Variants in MTMR3 observed in about 807,000 individuals in gnomAD.
The protein encoded by MTMR3 is myotubularin related protein 3.
Under a neutral mutation model 132.4 loss-of-function variants are expected in MTMR3, and 32 were observed. The ratio of observed to expected loss-of-function variants is 0.24; its 90% CI spans 0.18 to 0.32. MTMR3 has a LOEUF of 0.32. Ranked by LOEUF, MTMR3 falls within the 10% of genes least tolerant of loss-of-function variation. The probability of loss-of-function intolerance (pLI) is 1.00; values close to 1 mark genes in which losing one functional copy is unlikely to be tolerated. For missense variants in MTMR3, 1,216 were observed against 1,489.6 expected (o/e 0.82, Z 3.02); for synonymous variants, 556 against 550.3 (o/e 1.01, Z -0.14).
At chr22:29,930,704 A>G (rs1245096448) in intron 1 of MTMR3, among the ~76,000 whole-genome samples, 1 of 151,630 alleles carries the variant, frequency 6.6e-6, no homozygotes, top group Non-Finnish European at 1.5e-5. Flanking sequence ...AAGAGAAAAA[A>G]GAATATGAAT....
intron 5 of MTMR3, chr22:29,985,064 G>C (rs1334376962): frequency 1.3e-5 from 2 of 152,226 alleles, no homozygotes; most frequent in African/African-American, 4.8e-5. Flanking sequence ...GGTATCTCTA[G>C]TTATAGAAAT....
chr22:29,985,814 A>G (rs759980668), intron 5 of MTMR3: 4 of 152,222 alleles, frequency 2.6e-5, no homozygotes, highest in Non-Finnish European at 4.4e-5. Context: ...AGATGTTAAA[A>G]TATAGAAAAA....
At position 30,018,473 on chromosome 22, in the gene MTMR3, G is replaced by A. The variant is rs564106103; in HGVS notation, c.1820+401G>A. 3 of 163,882 alleles carry A rather than the reference G, an allele frequency of 1.8e-5. No homozygotes were observed. The South Asian group carries it at 5.2e-4, about 28-fold the overall frequency. 10.2% of individuals were successfully genotyped at this position (163,882 alleles called of 1,614,324 possible). The stretch of plus-strand genomic sequence containing the variant: ...ATTTTGCTTTGGGGCCAGGCTTGGT[G>A]GCTCATGCCTGTAATCCCAGCACTT... On this transcript the variant is annotated intron_variant, in intron 16 of 19. Coordinates refer to ENST00000401950, the MANE Select transcript of MTMR3 (RefSeq NM_021090.4).
Position 29,901,155 on chromosome 22 carries a change from G to T in MTMR3, c.-138+17796G>T, listed in dbSNP as rs141152506. Among the ~76,000 whole-genome samples, 680 of 152,030 alleles carry T rather than the reference G, an allele frequency of 4.5e-3. 6 individuals carry two copies. The highest frequency in any genetic ancestry group is 0.015 in the African/African-American group (642 of 41,486). On this transcript the variant is annotated intron_variant, in intron 1 of 19. Transcript: ENST00000401950. ...GAGTCTCATTTGTTTTGACCATGATGATTCTGGAAAAGATTGATGTTAATA... is the reference window on the plus strand; with the variant it reads ...GAGTCTCATTTGTTTTGACCATGATTATTCTGGAAAAGATTGATGTTAATA...
In MTMR3 at chr22:30,026,177, G is replaced by A. The variant is rs183282847; in HGVS notation, c.*376G>A. 79 of 216,522 alleles carry A rather than the reference G, an allele frequency of 3.6e-4. No homozygotes were observed. In the East Asian group the frequency reaches 7.7e-3, roughly 21 times the overall value. 13.4% of individuals were successfully genotyped at this position (216,522 alleles called of 1,614,324 possible). On this transcript the variant is annotated 3_prime_UTR_variant, in exon 20 of 20. Transcript: ENST00000401950. ...GGGAGGATGGTGGTCAGAGCCAGGA[G>A]TATGGAGATCTGAGACCGTGAGCAG...
intron 9 of MTMR3, chr22:30,005,366 C>T (rs2067253262): frequency 6.6e-6 from 1 of 152,148 alleles, no homozygotes; most frequent in African/African-American, 2.4e-5. Context: ...AATCTAATAG[C>T]TACTATAATG....
In MTMR3 at chr22:30,027,657, C is replaced by T. The variant is rs989095963; in HGVS notation, c.*1856C>T. On this transcript the variant is annotated 3_prime_UTR_variant, in exon 20 of 20. Transcript: ENST00000401950. ...TTGCAGCTCTTAGCTCTTTTTTGAT[C>T]GATGAAGCACTTTTTTATTAATATT... 3.9e-5 allele frequency: 6 copies of T among 152,574 alleles called. No homozygotes were observed. Among genetic ancestry groups the T allele is most frequent in the African/African-American group, 1.5e-4 (6 of 41,366 alleles). 9.5% of individuals were successfully genotyped at this position (152,574 alleles called of 1,614,324 possible).
At chr22:29,889,661 T>A (rs1383302113) in intron 1 of MTMR3, among the ~76,000 whole-genome samples, 43 of 152,060 alleles carry the variant, frequency 2.8e-4, no homozygotes. Flanking sequence ...ATGTTTGGTA[T>A]TTTTGTTTTT....
chr22:30,007,346 A>G lies in MTMR3; in HGVS notation c.877+27A>G, dbSNP rs368564711. The G allele has an allele frequency of 1.4e-5, 23 of 1,603,840 alleles. No individual in the cohort carries two copies. In the African/African-American group the frequency reaches 2.1e-4, roughly 15 times the overall value. On this transcript the variant is annotated intron_variant, in intron 10 of 19. Transcript: ENST00000401950. The stretch of plus-strand genomic sequence containing the variant: ...TAAGGTGCTCCCTGGACCCATGGCA[A>G]TGATTTTTATAGCATCTAAGAACCT...
At chr22:29,904,868 G>C (rs1373093511) in intron 1 of MTMR3, among the ~76,000 whole-genome samples, 1 of 152,032 alleles carries the variant, frequency 6.6e-6, no homozygotes, top group Non-Finnish European at 1.5e-5. Flanking sequence ...GTAGCAGTTA[G>C]ACAATGAAGT....
Position 29,988,483 on chromosome 22 carries a change from C to T in MTMR3, c.214C>T (p.Pro72Ser). Reference protein sequence around the residue: ...IKFKESLVNVPLQLIESVECR... With the variant: ...IKFKESLVNVSLQLIESVECR... Reference sequence around the variant, plus strand: ...CTTCATTTTTTTAAAATTGCAGGTTCCATTACAGCTTATAGAAAGTGTTGA... The same window carrying T: ...CTTCATTTTTTTAAAATTGCAGGTTTCATTACAGCTTATAGAAAGTGTTGA... The change falls in exon 6 of 20, where the codon CCA (proline) becomes TCA (serine). Residue 72 changes from proline to serine, a missense_variant. Physicochemically the swap from Pro to Ser is moderately conservative, Grantham distance 74. This residue lies in a region of MTMR3 where 81 missense variants were observed against 87.7 expected (regional missense o/e 0.92). Transcript: ENST00000401950. The T allele has an allele frequency of 6.2e-7, 1 of 1,610,198 alleles. No individual in the cohort carries two copies. The highest frequency in any genetic ancestry group is 8.5e-7 in the Non-Finnish European group (1 of 1,177,838).
chr22:29,885,875 GGTGT>G (rs1194876611), intron 1 of MTMR3, among the ~76,000 whole-genome samples: 2 of 152,128 alleles, frequency 1.3e-5, no homozygotes, highest in Non-Finnish European at 1.5e-5. Context: ...TTTAGAGGGG[GGTGT>G]GGTGAAGGTT....
intron 1 of MTMR3, among the ~76,000 whole-genome samples, chr22:29,930,174 A>G (rs938905571): frequency 1.3e-5 from 2 of 152,186 alleles, no homozygotes; most frequent in Admixed American, 6.5e-5. Context: ...TTCACTTCGT[A>G]TATTTTGGAA....
At chr22:29,904,823 TGTGTGTG>T (rs2065066047) in intron 1 of MTMR3, among the ~76,000 whole-genome samples, 2 of 24,076 alleles carry the variant, frequency 8.3e-5, no homozygotes, top group Non-Finnish European at 2.5e-4. Context: ...GTGTGTGTTG[TGTGTGTG>T]TGTGTGTGTG....
At chr22:30,008,099 CT>C in intron 11 of MTMR3, 67 bp downstream of exon 11, 2 of 1,573,834 alleles carry the variant, frequency 1.3e-6, no homozygotes, top group Non-Finnish European at 1.7e-6. Flanking sequence ...CCAACTGAGA[CT>C]TAGTTCCCAA....
intron 1 of MTMR3, among the ~76,000 whole-genome samples, chr22:29,934,308 C>T (rs1170912387): frequency 1.3e-5 from 2 of 151,956 alleles, no homozygotes; most frequent in Non-Finnish European, 1.5e-5. Context: ...GAGCTGAGAT[C>T]GTGCCACTGC....
intron 5 of MTMR3, 21 bp downstream of exon 5, chr22:29,979,073 C>A: frequency 6.8e-7 from 1 of 1,478,452 alleles, no homozygotes; most frequent in Non-Finnish European, 9.5e-7. Flanking sequence ...ACCAGCTGTT[C>A]TCCCTCTAAG....
chr22:30,021,762 C>A (rs920025276), intron 17 of MTMR3: 2 of 428,114 alleles, frequency 4.7e-6, no homozygotes, highest in Admixed American at 3.8e-5. Flanking sequence ...TTGGTCACTT[C>A]CCTCTCACTC....
At chr22:29,942,114 G>A (rs1489322370) in intron 1 of MTMR3, among the ~76,000 whole-genome samples, 7 of 152,086 alleles carry the variant, frequency 4.6e-5, no homozygotes, top group Admixed American at 2.0e-4. Context: ...GATATTTCAC[G>A]TAGGTTCTTT....
Sources: allele counts gnomAD v4.1 joint callset (sites outside exome capture counted in the v4.1 genomes callset), GRCh38; gene constraint gnomAD v4.1.1; regional missense constraint gnomAD v4.1.1; transcripts MANE v1.5; gene names NCBI Gene and HGNC (gene_info 2026-07-23, HGNC 2026-07-21).